Variants in OTUD7A observed in about 807,000 individuals in gnomAD.
OTUD7A encodes the protein OTU domain-containing protein 7A.
OTUD7A carries 12 observed loss-of-function variants against 65.7 expected under a neutral mutation model. That is an observed-to-expected ratio of 0.18 (90% CI 0.12 to 0.30). The LOEUF (loss-of-function observed/expected upper bound fraction) is 0.30, where lower values mean the gene tolerates loss of function less well. Ranked by LOEUF, OTUD7A falls within the 10% of genes least tolerant of loss-of-function variation. The pLI is 1.00. For synonymous variants in OTUD7A, 641 were observed against 586.3 expected (o/e 1.09, Z -1.35); for missense variants, 1,148 against 1,304.8 (o/e 0.88, Z 1.85).
rs142369129 is a variant in OTUD7A at position 31,533,462 on chromosome 15, C to T, written c.551-2654G>A. On this transcript the variant is annotated intron_variant, in intron 5 of 12. Transcript: ENST00000307050. The stretch of plus-strand genomic sequence containing the variant: ...ATGTTGGCCAGGCTAGTCTCGAACT[C>T]CTGACCTCAAGTGATCTGCCTGCGT... Among the ~76,000 whole-genome samples, 511 of 152,264 alleles carry T rather than the reference C, an allele frequency of 3.4e-3. 4 individuals carry two copies. The highest frequency in any genetic ancestry group is 0.012 in the African/African-American group (491 of 41,546).
intron 1 of OTUD7A, among the ~76,000 whole-genome samples, chr15:31,803,050 T>C (rs1306291109): frequency 6.6e-6 from 1 of 152,234 alleles, no homozygotes; most frequent in Non-Finnish European, 1.5e-5. Context: ...CTGTCGACTT[T>C]TGTGGGTAAG....
rs1358809392 is a variant in OTUD7A at position 31,772,113 on chromosome 15, G to A, written c.-100+98394C>T. Among the ~76,000 whole-genome samples the A allele has an allele frequency of 5.7e-5, 6 of 105,098 alleles. No individual in the cohort carries two copies. In the East Asian group the frequency reaches 1.2e-3, roughly 22 times the overall value. 68.9% of individuals were successfully genotyped at this position (105,098 alleles called of 152,430 possible). On this transcript the variant is annotated intron_variant, in intron 1 of 12. Transcript: ENST00000307050. ...TAAAAATACAAAAAATTAGCCGGGC[G>A]TAGTGGCGGGCGCCTGTAGTCCCAG... is the stretch of plus-strand genomic sequence containing the variant.
At chr15:31,788,682 T>C (rs893488739) in intron 1 of OTUD7A, among the ~76,000 whole-genome samples, 2 of 151,882 alleles carry the variant, frequency 1.3e-5, no homozygotes, top group East Asian at 1.9e-4. Flanking sequence ...CTGCAGGAGG[T>C]GGAAGGGCCA....
intron 3 of OTUD7A, among the ~76,000 whole-genome samples, chr15:31,592,582 T>A (rs1889758978): frequency 6.6e-6 from 1 of 151,692 alleles, no homozygotes; most frequent in Admixed American, 6.6e-5. Flanking sequence ...ACATTAACTT[T>A]AAAAAAATAT....
chr15:31,802,103 A>ATGTGTGTG (rs1255794707), intron 1 of OTUD7A, among the ~76,000 whole-genome samples: 12 of 35,490 alleles, frequency 3.4e-4, no homozygotes, highest in African/African-American at 4.9e-4. Context: ...GTGTGTATAT[A>ATGTGTGTG]TGTGTGTGTG....
At chr15:31,801,314 C>G (rs952025705) in intron 1 of OTUD7A, among the ~76,000 whole-genome samples, 1 of 152,246 alleles carries the variant, frequency 6.6e-6, no homozygotes, top group Non-Finnish European at 1.5e-5. Flanking sequence ...GGCCTGGGGT[C>G]TAGCGGAACA....
At chr15:31,845,778 T>A (rs1164287441) in intron 1 of OTUD7A, among the ~76,000 whole-genome samples, 1 of 152,214 alleles carries the variant, frequency 6.6e-6, no homozygotes, top group Non-Finnish European at 1.5e-5. Flanking sequence ...CCTAAGCACT[T>A]GCCAGGGAGG....
intron 1 of OTUD7A, among the ~76,000 whole-genome samples, chr15:31,735,392 G>T (rs1161758822): frequency 6.6e-6 from 1 of 152,120 alleles, no homozygotes; most frequent in Non-Finnish European, 1.5e-5. Context: ...GTTGGGTGTG[G>T]TGGCACACGC....
intron 1 of OTUD7A, among the ~76,000 whole-genome samples, chr15:31,809,203 A>G (rs1163099027): frequency 6.6e-6 from 1 of 152,212 alleles, no homozygotes; most frequent in Non-Finnish European, 1.5e-5. Context: ...TTTAAGGAAC[A>G]CTGAGGAACG....
chr15:31,726,116 G>A (rs1361549460), intron 1 of OTUD7A, among the ~76,000 whole-genome samples: 2 of 150,856 alleles, frequency 1.3e-5, no homozygotes, highest in Non-Finnish European at 1.5e-5. Context: ...CCAAGACTCC[G>A]TGTTGAGCTC....
intron 8 of OTUD7A, among the ~76,000 whole-genome samples, chr15:31,525,469 G>A (rs904933554): frequency 6.6e-6 from 1 of 152,202 alleles, no homozygotes; most frequent in African/African-American, 2.4e-5. Flanking sequence ...TCCAGCCGGG[G>A]CCTCCAGGGA....
chr15:31,816,067 C>T (rs1352593007), intron 1 of OTUD7A, among the ~76,000 whole-genome samples: 1 of 152,194 alleles, frequency 6.6e-6, no homozygotes, highest in Non-Finnish European at 1.5e-5. Context: ...GGAAAAAAAC[C>T]ACTGAACGAG....
At chr15:31,497,250 GTTAAT>G (rs1388666721) in intron 10 of OTUD7A, among the ~76,000 whole-genome samples, 1 of 139,376 alleles carries the variant, frequency 7.2e-6, no homozygotes, top group Non-Finnish European at 1.6e-5. Context: ...TGACTTATAT[GTTAAT>G]TTTTTTTTTT....
chr15:31,846,610 G>A (rs1173182087), intron 1 of OTUD7A, among the ~76,000 whole-genome samples: 1 of 152,092 alleles, frequency 6.6e-6, no homozygotes, highest in African/African-American at 2.4e-5. Context: ...GCAAAGCCAT[G>A]GTGCCCAGCC....
chr15:31,854,549 A>C (rs1228558934), intron 1 of OTUD7A, among the ~76,000 whole-genome samples: 1 of 152,140 alleles, frequency 6.6e-6, no homozygotes, highest in Non-Finnish European at 1.5e-5. Context: ...TGAAGCTGCC[A>C]TCACTCTGGT....
chr15:31,562,292 A>G (rs555083509), intron 4 of OTUD7A, among the ~76,000 whole-genome samples: 1 of 152,268 alleles, frequency 6.6e-6, no homozygotes, highest in African/African-American at 2.4e-5. Context: ...TACACTCCTG[A>G]CTACCCTCTC....
chr15:31,617,062 T>C (rs79532280), intron 3 of OTUD7A, among the ~76,000 whole-genome samples: 7,854 of 152,106 alleles, frequency 0.052, 407 homozygotes, highest in African/African-American at 0.14. Flanking sequence ...AACTCACAAA[T>C]GCTGAGAGGG....
rs1222524952 is a variant in OTUD7A, at chr15:31,511,012, A to G, written c.894-7194T>C. ...ATGTAACATATGTATATCTATATGT[A>G]ACATACATGTATATCTATATGTAAC... On this transcript the variant is annotated intron_variant, in intron 8 of 12. Coordinates refer to ENST00000307050, the MANE Select transcript of OTUD7A (RefSeq NM_001382637.1). 4.5e-5 allele frequency among the ~76,000 whole-genome samples: 2 copies of G among 44,602 alleles called. 1 individual carries two copies. Among genetic ancestry groups the G allele is most frequent in the Non-Finnish European group, 7.4e-5 (2 of 26,850 alleles). The allele number at this position is 44,602 out of a possible 152,430, so 29.3% of individuals were successfully genotyped here. A position where few individuals can be genotyped will look rare whatever the true frequency, so the allele number is the denominator to read the frequency against.
At chr15:31,759,037 C>T (rs73378655) in intron 1 of OTUD7A, among the ~76,000 whole-genome samples, 4,472 of 152,252 alleles carry the variant, frequency 0.029, 219 homozygotes, top group African/African-American at 0.1. Flanking sequence ...CACCTCCTCT[C>T]GTGGGTTGTC....
Sources: allele counts gnomAD v4.1 joint callset (sites outside exome capture counted in the v4.1 genomes callset), GRCh38; gene constraint gnomAD v4.1.1; transcripts MANE v1.5; gene names NCBI Gene and HGNC (gene_info 2026-07-23, HGNC 2026-07-21).